The following PBX3 variants were observed in gnomAD, a reference collection of about 807,000 sequenced individuals.
PBX3 encodes PBX homeobox 3, also known as pre-B-cell leukemia transcription factor 3.
Under a neutral mutation model 48.5 loss-of-function variants are expected in PBX3, and 14 were observed. The observed-to-expected ratio is 0.29, with a 90% CI of 0.19 to 0.45. The LOEUF (loss-of-function observed/expected upper bound fraction) is 0.45, where lower values mean the gene tolerates loss of function less well. Ranked by LOEUF, PBX3 falls within the 20% of genes least tolerant of loss-of-function variation. The probability of loss-of-function intolerance (pLI) is 1.00; values close to 1 mark genes in which losing one functional copy is unlikely to be tolerated. For missense variants in PBX3, 386 were observed against 546.7 expected (o/e 0.71, Z 2.93); for synonymous variants, 210 against 200.3 (o/e 1.05, Z -0.41).
At chr9:125,777,657 C>A (rs1221875558) in intron 2 of PBX3, among the ~76,000 whole-genome samples, 2 of 152,082 alleles carry the variant, frequency 1.3e-5, no homozygotes, top group Non-Finnish European at 2.9e-5. Context: ...AGCCACCACG[C>A]CCAGCCTAAT....
At chr9:125,828,772 A>G (rs1235640390) in intron 2 of PBX3, among the ~76,000 whole-genome samples, 1 of 152,250 alleles carries the variant, frequency 6.6e-6, no homozygotes, top group Non-Finnish European at 1.5e-5. Context: ...TAGAAAATCA[A>G]AAGGAACGTT....
At chr9:125,946,481 T>C (rs1338600530) in intron 5 of PBX3, among the ~76,000 whole-genome samples, 1 of 152,148 alleles carries the variant, frequency 6.6e-6, no homozygotes, top group Non-Finnish European at 1.5e-5. Context: ...CTATGCTTAA[T>C]ATCTATAATG....
chr9:125,844,237 G>C (rs1485671829), intron 2 of PBX3, among the ~76,000 whole-genome samples: 1 of 149,934 alleles, frequency 6.7e-6, no homozygotes, highest in Non-Finnish European at 1.5e-5. Flanking sequence ...TGAACTTGAA[G>C]AGAGTTAACG....
At chr9:125,901,093 A>C (rs1189593535) in intron 2 of PBX3, among the ~76,000 whole-genome samples, 2 of 151,750 alleles carry the variant, frequency 1.3e-5, no homozygotes, top group Non-Finnish European at 3.0e-5. Context: ...GAAAACTGAA[A>C]GAAAATTTAA....
chr9:125,772,687 G>A (rs1836970608), intron 2 of PBX3, among the ~76,000 whole-genome samples: 1 of 152,194 alleles, frequency 6.6e-6, no homozygotes, highest in Non-Finnish European at 1.5e-5. Context: ...GTATGTACAG[G>A]ACCTAATGTG....
chr9:125,931,845 G>A (rs1320102949), intron 4 of PBX3, among the ~76,000 whole-genome samples: 1 of 152,058 alleles, frequency 6.6e-6, no homozygotes, highest in Non-Finnish European at 1.5e-5. Flanking sequence ...AATGGAGAGG[G>A]TACTATTTTA....
At chr9:125,781,562 A>C in intron 2 of PBX3, among the ~76,000 whole-genome samples, 1 of 56,510 alleles carries the variant, frequency 1.8e-5, no homozygotes, top group East Asian at 5.0e-4. Flanking sequence ...GAGAGGGGAG[A>C]GGCGAGAGGG....
chr9:125,931,777 A>T lies in PBX3; in HGVS notation c.707+1932A>T, dbSNP rs182927902. ...TAACATTCTATTTAATAATGTAATT[A>T]AATGTAATAGGGTGATAAGTGGTAT... is the stretch of plus-strand genomic sequence containing the variant. On this transcript the variant is annotated intron_variant, in intron 4 of 8. Coordinates refer to ENST00000373489, the MANE Select transcript of PBX3 (RefSeq NM_006195.6). 3.1e-4 allele frequency among the ~76,000 whole-genome samples: 47 copies of T among 152,326 alleles called. No individual in the cohort carries two copies. In the East Asian group the frequency reaches 8.7e-3, roughly 28 times the overall value.
At chr9:125,837,407 T>C (rs1839169345) in intron 2 of PBX3, among the ~76,000 whole-genome samples, 1 of 149,632 alleles carries the variant, frequency 6.7e-6, no homozygotes, top group South Asian at 2.1e-4. Context: ...ATTTATTTTA[T>C]ATATATAAAA....
At chr9:125,758,572 A>G (rs2131968211) in intron 2 of PBX3, among the ~76,000 whole-genome samples, 1 of 152,322 alleles carries the variant, frequency 6.6e-6, no homozygotes. Flanking sequence ...TGAAAAAAAG[A>G]TAAGATGTTC....
chr9:125,762,266 C>G (rs1048174700), intron 2 of PBX3, among the ~76,000 whole-genome samples: 3 of 151,944 alleles, frequency 2.0e-5, no homozygotes, highest in Non-Finnish European at 4.4e-5. Flanking sequence ...TGCTGTAAGG[C>G]CTTTAAGAGA....
At chr9:125,832,511 A>T (rs992576047) in intron 2 of PBX3, among the ~76,000 whole-genome samples, 1 of 152,166 alleles carries the variant, frequency 6.6e-6, no homozygotes, top group Admixed American at 6.5e-5. Flanking sequence ...TTTTCAGATA[A>T]CAATTGACTA....
chr9:125,829,982 C>CT (rs1838912764), intron 2 of PBX3, among the ~76,000 whole-genome samples: 1 of 152,160 alleles, frequency 6.6e-6, no homozygotes, highest in Non-Finnish European at 1.5e-5. Context: ...CATGGTGTCC[C>CT]TTGTGGAACT....
chr9:125,819,498 C>T (rs961916311), intron 2 of PBX3, among the ~76,000 whole-genome samples: 13 of 151,874 alleles, frequency 8.6e-5, no homozygotes, highest in African/African-American at 2.9e-4. Flanking sequence ...GCACTCCAGC[C>T]TGGGCAACAA....
At chr9:125,847,783 A>G (rs1424386347) in intron 2 of PBX3, among the ~76,000 whole-genome samples, 1 of 150,352 alleles carries the variant, frequency 6.7e-6, no homozygotes, top group Non-Finnish European at 1.5e-5. Context: ...AATCTTCTAT[A>G]GTAGGCTATC....
At chr9:125,935,708 C>T in intron 5 of PBX3, 101 bp downstream of exon 5, 1 of 1,123,780 alleles carries the variant, frequency 8.9e-7, no homozygotes, top group Non-Finnish European at 1.3e-6. Context: ...AATGTTCTAT[C>T]ATCAAAAAAG....
intron 2 of PBX3, among the ~76,000 whole-genome samples, chr9:125,769,946 G>T (rs1836900242): frequency 6.6e-6 from 1 of 151,982 alleles, no homozygotes. Context: ...AAGCTCAACT[G>T]GTTATGTATA....
In PBX3 at chr9:125,935,476, A is replaced by G; in HGVS notation, c.712A>G (p.Lys238Glu). 6.2e-7 allele frequency: 1 copy of G among 1,612,044 alleles called. No individual in the cohort carries two copies. The highest frequency in any genetic ancestry group is 8.5e-7 in the Non-Finnish European group (1 of 1,178,474). The change falls in exon 5 of 9, where the codon AAA becomes GAA. Residue 238 changes from lysine (K) to glutamate (E), a missense_variant. This residue lies in a region of PBX3 where 74 missense variants were observed against 206.1 expected (regional missense o/e 0.36). Coordinates refer to ENST00000373489, the MANE Select transcript of PBX3 (RefSeq NM_006195.6). ...TTTCTTTCACTCTTGTCATAGACGG[A>G]AAAGGCGTAACTTCAGTAAACAGGC... is the stretch of plus-strand genomic sequence containing the variant. ...LRSRFLDARR[K>E]RRNFSKQATE... is the part of the protein sequence containing the mutation.
At chr9:125,829,525 T>C (rs947234200) in intron 2 of PBX3, among the ~76,000 whole-genome samples, 1 of 152,204 alleles carries the variant, frequency 6.6e-6, no homozygotes, top group Non-Finnish European at 1.5e-5. Flanking sequence ...CTTTAAACTT[T>C]TGTACATACG....
Sources: gnomAD v4.1 joint callset for allele counts (sites outside exome capture counted in the v4.1 genomes callset) on GRCh38, gnomAD v4.1.1 for gene constraint, gnomAD v4.1.1 regional missense constraint, MANE v1.5 for transcripts, NCBI Gene and HGNC (gene_info 2026-07-23, HGNC 2026-07-21) for gene names.